Variants in PCDHA8 observed in about 807,000 individuals in gnomAD.
The protein encoded by PCDHA8 is protocadherin alpha 8.
In PCDHA8, 53 loss-of-function variants were observed where a neutral mutation model predicts 61.8. That is an observed-to-expected ratio of 0.86 (90% confidence interval 0.69 to 1.08). The LOEUF (loss-of-function observed/expected upper bound fraction) is 1.08, where lower values mean the gene tolerates loss of function less well. Ranked by LOEUF, PCDHA8 falls within the 50% of genes least tolerant of loss-of-function variation. The probability of loss-of-function intolerance (pLI) is 0.00; values close to 1 mark genes in which losing one functional copy is unlikely to be tolerated. For missense variants in PCDHA8, 1,293 were observed against 1,245.0 expected (o/e 1.04, Z -0.58); for synonymous variants, 618 against 556.6 (o/e 1.11, Z -1.55).
chr5:140,846,963 T>C (rs1458103794), intron 1 of PCDHA8, among the ~76,000 whole-genome samples: 3 of 149,600 alleles, frequency 2.0e-5, no homozygotes, highest in African/African-American at 7.3e-5. Context: ...TGTGTTTCAG[T>C]GGTTTTAAAA....
intron 1 of PCDHA8, among the ~76,000 whole-genome samples, chr5:140,960,004 A>C (rs2095521827): frequency 6.6e-6 from 1 of 152,216 alleles, no homozygotes; most frequent in Non-Finnish European, 1.5e-5. Context: ...ATACAAATCT[A>C]TTTTGCATCA....
intron 1 of PCDHA8, among the ~76,000 whole-genome samples, chr5:140,945,509 GTAAA>G (rs1266877059): frequency 6.6e-6 from 1 of 151,782 alleles, no homozygotes; most frequent in Non-Finnish European, 1.5e-5. Context: ...ATTGAGCAAA[GTAAA>G]TAAATAAATA....
chr5:140,857,791 G>A, intron 1 of PCDHA8: 2 of 1,597,714 alleles, frequency 1.3e-6, no homozygotes, highest in Non-Finnish European at 1.7e-6. Context: ...AGCTGGTGCT[G>A]CGGTCGGTGG....
At chr5:140,883,888 T>C (rs781919107) in intron 1 of PCDHA8, 12 of 1,612,946 alleles carry the variant, frequency 7.4e-6, no homozygotes, top group African/African-American at 5.4e-5. Flanking sequence ...CGCGCGACTC[T>C]GGCGTGCCGC....
chr5:140,849,912 C>T (rs1318290193), intron 1 of PCDHA8: 4 of 1,598,150 alleles, frequency 2.5e-6, no homozygotes, highest in Admixed American at 1.7e-5. Context: ...GCCGGGCTGC[C>T]ACATCTTCAC....
chr5:140,953,542 A>G (rs2094901319), intron 1 of PCDHA8, among the ~76,000 whole-genome samples: 1 of 152,080 alleles, frequency 6.6e-6, no homozygotes, highest in Admixed American at 6.6e-5. Flanking sequence ...CTTCATGCTG[A>G]TTCTTTTCTC....
intron 1 of PCDHA8, chr5:140,856,606 CA>C: frequency 6.3e-7 from 1 of 1,597,764 alleles, no homozygotes; most frequent in Non-Finnish European, 8.6e-7. Flanking sequence ...ACAAAAAAGA[CA>C]AAGACAAATT....
chr5:140,877,547 C>T lies in PCDHA8; in HGVS notation c.2394+33832C>T, dbSNP rs782342116. ...GTGGGCGCTGTGGATCCCGAAGCGG[C>T]TCTGGTGGATATTAACGTGTACCTC... On this transcript the variant is annotated intron_variant, in intron 1 of 3. Transcript: ENST00000531613. The T allele has an allele frequency of 2.5e-6, 4 of 1,613,656 alleles. No individual in the cohort carries two copies. The highest frequency in any genetic ancestry group is 1.3e-5 in the African/African-American group (1 of 74,930).
In PCDHA8 at chr5:141,010,177, C is replaced by T; in HGVS notation, c.*240C>T. 3 of 1,556,196 alleles carry T rather than the reference C, an allele frequency of 1.9e-6. No homozygotes were observed. The highest frequency in any genetic ancestry group is 1.7e-4 in the Middle Eastern group (1 of 6,000). On this transcript the variant is annotated 3_prime_UTR_variant, in exon 4 of 4. Coordinates refer to ENST00000531613, the MANE Select transcript of PCDHA8 (RefSeq NM_018911.3). ...TGGCTTGTTTTCAGAACCTAAAAAG[C>T]AGACCCAAGTTTCCTTTCTCCTCCG... is the stretch of plus-strand genomic sequence containing the variant.
intron 1 of PCDHA8, chr5:140,870,562 G>A: frequency 6.2e-7 from 1 of 1,613,996 alleles, no homozygotes; most frequent in Non-Finnish European, 8.5e-7. Context: ...GCAGGAGAAC[G>A]CGCTGGTGTC....
chr5:140,891,688 T>G (rs2063203967), intron 1 of PCDHA8, among the ~76,000 whole-genome samples: 1 of 152,224 alleles, frequency 6.6e-6, no homozygotes, highest in Non-Finnish European at 1.5e-5. Flanking sequence ...TCTCTCTTCT[T>G]GCTGTTGTCT....
Position 140,850,173 on chromosome 5 carries a change from G to T in PCDHA8, c.2394+6458G>T, listed in dbSNP as rs2150470730. The T allele has an allele frequency of 4.0e-5, 64 of 1,594,368 alleles. 5 individuals carry two copies. The highest frequency in any genetic ancestry group is 5.0e-5 in the Non-Finnish European group (58 of 1,167,774). On this transcript the variant is annotated intron_variant, in intron 1 of 3. Coordinates refer to ENST00000531613, the MANE Select transcript of PCDHA8 (RefSeq NM_018911.3). ...GCAGGTGTTCGTGCTGGACGAGAAC[G>T]ACAATGCGCCGGCGCTGCTGACACC...
intron 1 of PCDHA8, among the ~76,000 whole-genome samples, chr5:140,879,906 T>C (rs993531346): frequency 6.6e-6 from 1 of 152,214 alleles, no homozygotes; most frequent in Admixed American, 6.5e-5. Context: ...TCTCTCTCTA[T>C]GTGTTGGTTT....
chr5:141,010,506 C>A lies in PCDHA8; in HGVS notation c.*569C>A. ...CTTAAAGGGACCAGACTTTCTAAAT[C>A]TTACAACTCAAGAGGTGGCAGCCAC... is the stretch of plus-strand genomic sequence containing the variant. On this transcript the variant is annotated 3_prime_UTR_variant, in exon 4 of 4. Transcript: ENST00000531613. 1 of 549,534 alleles carries A rather than the reference C, an allele frequency of 1.8e-6. No homozygotes were observed. The highest frequency in any genetic ancestry group is 2.9e-6 in the Non-Finnish European group (1 of 344,162). 34.0% of individuals were successfully genotyped at this position (549,534 alleles called of 1,614,324 possible). A position where few individuals can be genotyped will look rare whatever the true frequency, so the allele number is the denominator to read the frequency against.
rs1053041034 is a variant in PCDHA8 at position 141,011,123 on chromosome 5, T to G, written c.*1186T>G. ...CTCTCTCTTTTCTAAGAAACAATTA[T>G]GTGCACTTTGATACACAACCTTCTC... is the stretch of plus-strand genomic sequence containing the variant. On this transcript the variant is annotated 3_prime_UTR_variant, in exon 4 of 4. Coordinates refer to ENST00000531613, the MANE Select transcript of PCDHA8 (RefSeq NM_018911.3). 3 of 153,884 alleles carry G rather than the reference T, an allele frequency of 1.9e-5. No homozygotes were observed. The Admixed American group carries it at 2.0e-4, about 10-fold the overall frequency. The allele number at this position is 153,884 out of a possible 1,614,324, so 9.5% of individuals were successfully genotyped here.
intron 1 of PCDHA8, among the ~76,000 whole-genome samples, chr5:140,891,819 G>A (rs1282245838): frequency 6.6e-6 from 1 of 152,216 alleles, no homozygotes. Flanking sequence ...ATAAATTAAC[G>A]GCACTGTAAA....
At chr5:140,863,429 G>A (rs781937083) in intron 1 of PCDHA8, 1 of 653,862 alleles carries the variant, frequency 1.5e-6, no homozygotes, top group East Asian at 4.5e-5. Flanking sequence ...AGCGTAGTGG[G>A]ATCTGGTCTT....
intron 1 of PCDHA8, chr5:140,928,542 C>A: frequency 6.2e-7 from 1 of 1,614,158 alleles, no homozygotes; most frequent in Non-Finnish European, 8.5e-7. Flanking sequence ...ATAGGAATGA[C>A]AATTATCCGG....
At chr5:140,919,876 G>A (rs2079336654) in intron 1 of PCDHA8, among the ~76,000 whole-genome samples, 1 of 152,174 alleles carries the variant, frequency 6.6e-6, no homozygotes, top group Non-Finnish European at 1.5e-5. Flanking sequence ...AGTCTTTGAA[G>A]ACATAATTAT....
Sources: gnomAD v4.1 joint callset for allele counts (sites outside exome capture counted in the v4.1 genomes callset) on GRCh38, gnomAD v4.1.1 for gene constraint, MANE v1.5 for transcripts, NCBI Gene and HGNC (gene_info 2026-07-23, HGNC 2026-07-21) for gene names.